Variants in ATXN7L1 observed in about 807,000 individuals in gnomAD.
ATXN7L1 encodes ataxin-7-like protein 1.
A neutral mutation model predicts 70.8 loss-of-function variants in ATXN7L1; 15 were observed. That is an observed-to-expected ratio of 0.21 (90% CI 0.14 to 0.33). ATXN7L1 has a LOEUF of 0.33. Among genes scored for constraint, ATXN7L1 ranks in the 10% least tolerant of loss-of-function variants. ATXN7L1 has a pLI of 1.00. For missense variants in ATXN7L1, 975 were observed against 1,097.1 expected (o/e 0.89, Z 1.57); for synonymous variants, 440 against 445.1 (o/e 0.99, Z 0.14).
Position 105,607,833 on chromosome 7 carries a change from A to C in ATXN7L1, c.*19T>G. ...ATTAGGTGGCCTGGAATTGATGTGG[A>C]AGTGGCTTCATAGTCTTGTTATGGA... On this transcript the variant is annotated 3_prime_UTR_variant, in exon 12 of 12. Transcript: ENST00000419735. 1 of 1,550,678 alleles carries C rather than the reference A, an allele frequency of 6.4e-7. No individual in the cohort carries two copies. The highest frequency in any genetic ancestry group is 8.7e-7 in the Non-Finnish European group (1 of 1,145,880).
intron 8 of ATXN7L1, among the ~76,000 whole-genome samples, chr7:105,621,190 G>C (rs935331751): frequency 6.6e-6 from 1 of 152,122 alleles, no homozygotes; most frequent in Non-Finnish European, 1.5e-5. Context: ...TGAAGCTTTT[G>C]CTCCTGCTGT....
intron 3 of ATXN7L1, among the ~76,000 whole-genome samples, chr7:105,719,210 A>G (rs1025564240): frequency 6.6e-6 from 1 of 152,106 alleles, no homozygotes; most frequent in East Asian, 1.9e-4. Flanking sequence ...TGGCCCACTC[A>G]GCGCCCATCC....
chr7:105,742,464 G>C (rs1236925471), intron 3 of ATXN7L1, among the ~76,000 whole-genome samples: 1 of 152,198 alleles, frequency 6.6e-6, no homozygotes, highest in Non-Finnish European at 1.5e-5. Context: ...CCTATTATGT[G>C]TGTACTATGC....
At chr7:105,806,704 G>A (rs1807671863) in intron 2 of ATXN7L1, among the ~76,000 whole-genome samples, 1 of 151,886 alleles carries the variant, frequency 6.6e-6, no homozygotes, top group South Asian at 2.1e-4. Flanking sequence ...GGAGGGAAGG[G>A]GCCAGTGAAG....
chr7:105,773,573 A>G (rs745477900), intron 3 of ATXN7L1, among the ~76,000 whole-genome samples: 1 of 152,144 alleles, frequency 6.6e-6, no homozygotes, highest in African/African-American at 2.4e-5. Flanking sequence ...CTTCTGAAAA[A>G]GGAGTGGGAA....
intron 3 of ATXN7L1, among the ~76,000 whole-genome samples, chr7:105,698,527 G>C (rs571978150): frequency 7.2e-4 from 109 of 152,226 alleles, no homozygotes; most frequent in African/African-American, 2.5e-3. Flanking sequence ...ACCATGCCTA[G>C]CTAATTTTTT....
Position 105,607,479 on chromosome 7 carries a change from A to C in ATXN7L1, c.*373T>G. The stretch of plus-strand genomic sequence containing the variant: ...CTGTGCTACAGTTCAAGAGCTTCAG[A>C]GCATGCCAACCTGGAACCAACATTC... On this transcript the variant is annotated 3_prime_UTR_variant, in exon 12 of 12. Coordinates refer to ENST00000419735, the MANE Select transcript of ATXN7L1 (RefSeq NM_020725.2). The C allele has an allele frequency of 4.0e-6, 1 of 249,406 alleles. No homozygotes were observed. The highest frequency in any genetic ancestry group is 7.8e-6 in the Non-Finnish European group (1 of 128,380). The allele number at this position is 249,406 out of a possible 1,614,324, so 15.4% of individuals were successfully genotyped here.
chr7:105,740,816 G>A (rs1409302387), intron 3 of ATXN7L1, among the ~76,000 whole-genome samples: 3 of 115,782 alleles, frequency 2.6e-5, no homozygotes, highest in Non-Finnish European at 5.0e-5. Context: ...CCAGGCTGGA[G>A]TGCGGTGGTG....
intron 2 of ATXN7L1, among the ~76,000 whole-genome samples, chr7:105,833,431 TAAATA>T (rs1811920560): frequency 6.6e-6 from 1 of 152,116 alleles, no homozygotes; most frequent in African/African-American, 2.4e-5. Flanking sequence ...GAATACCCAT[TAAATA>T]AAAGAGCAAA....
At chr7:105,629,981 C>T (rs1347936472) in intron 7 of ATXN7L1, among the ~76,000 whole-genome samples, 2 of 152,016 alleles carry the variant, frequency 1.3e-5, no homozygotes, top group African/African-American at 2.4e-5. Flanking sequence ...CCACACCTGG[C>T]TAATTTTTTT....
chr7:105,839,820 A>C (rs192796568), intron 2 of ATXN7L1, among the ~76,000 whole-genome samples: 299 of 152,336 alleles, frequency 2.0e-3, no homozygotes, highest in Middle Eastern at 3.4e-3. Context: ...GTCTGTGTTA[A>C]AGGCACCCAG....
chr7:105,641,330 T>G (rs1468028886), intron 5 of ATXN7L1, among the ~76,000 whole-genome samples: 1 of 129,000 alleles, frequency 7.8e-6, no homozygotes. Context: ...GGTGTGGTGT[T>G]TTTTTTTTGG....
chr7:105,774,648 G>A (rs767984989), intron 3 of ATXN7L1, among the ~76,000 whole-genome samples: 1 of 151,978 alleles, frequency 6.6e-6, no homozygotes. Context: ...CACCGCGCCC[G>A]GCCCCGCAGC....
chr7:105,728,963 A>G (rs1454451329), intron 3 of ATXN7L1, among the ~76,000 whole-genome samples: 1 of 152,154 alleles, frequency 6.6e-6, no homozygotes, highest in Non-Finnish European at 1.5e-5. Flanking sequence ...TTATAAATGC[A>G]TGATTGAATA....
intron 3 of ATXN7L1, among the ~76,000 whole-genome samples, chr7:105,685,997 T>C (rs768407277): frequency 2.0e-5 from 3 of 152,284 alleles, no homozygotes; most frequent in South Asian, 4.1e-4. Flanking sequence ...GGAAGTGGCA[T>C]GGCCAAACAC....
intron 2 of ATXN7L1, among the ~76,000 whole-genome samples, chr7:105,797,852 G>A (rs1030607046): frequency 1.3e-5 from 2 of 152,278 alleles, no homozygotes; most frequent in East Asian, 1.9e-4. Flanking sequence ...CTCACCAGAC[G>A]GCAATCTTCC....
Position 105,695,148 on chromosome 7 carries a change from G to A in ATXN7L1, c.356-29860C>T, listed in dbSNP as rs561977807. 4.5e-4 allele frequency among the ~76,000 whole-genome samples: 69 copies of A among 151,944 alleles called. 1 individual carries two copies. The South Asian group carries it at 0.013, about 29-fold the overall frequency. The stretch of plus-strand genomic sequence containing the variant: ...CTAAAAATACAAAAATTAGCCGGGC[G>A]TGGTGGCCGGTGCCTGTAGTCCCAG... On this transcript the variant is annotated intron_variant, in intron 3 of 11. Transcript: ENST00000419735.
intron 3 of ATXN7L1, among the ~76,000 whole-genome samples, chr7:105,668,737 T>C (rs1324295170): frequency 1.3e-5 from 2 of 152,072 alleles, no homozygotes; most frequent in African/African-American, 4.8e-5. Flanking sequence ...TACTTACTAA[T>C]TAAAACTTTT....
At chr7:105,629,609 G>A (rs1796278734) in intron 7 of ATXN7L1, among the ~76,000 whole-genome samples, 1 of 151,290 alleles carries the variant, frequency 6.6e-6, no homozygotes, top group African/African-American at 2.4e-5. Context: ...TCCGCCTTCT[G>A]GGTTCAAGTG....
Sources: allele counts gnomAD v4.1 joint callset (sites outside exome capture counted in the v4.1 genomes callset), GRCh38; gene constraint gnomAD v4.1.1; transcripts MANE v1.5; gene names NCBI Gene and HGNC (gene_info 2026-07-23, HGNC 2026-07-21).